The following PARP8 variants were observed in gnomAD, a reference collection of about 807,000 sequenced individuals.
PARP8 encodes the protein poly(ADP-ribose) polymerase family member 8.
A neutral mutation model predicts 124.1 loss-of-function variants in PARP8; 51 were observed. That is an observed-to-expected ratio of 0.41 (90% CI 0.33 to 0.52). The LOEUF is 0.52. PARP8 is among the 20% of genes least tolerant of loss of function. The probability of loss-of-function intolerance (pLI) is 0.21; values close to 1 mark genes in which losing one functional copy is unlikely to be tolerated. For synonymous variants in PARP8, 391 were observed against 361.5 expected (o/e 1.08, Z -0.93); for missense variants, 860 against 1,018.9 (o/e 0.84, Z 2.12).
rs372825758 is a variant in PARP8 at position 50,815,437 on chromosome 5, C to T, written c.1581C>T (p.Thr527=). Residue 527 remains threonine, a synonymous_variant, in exon 15 of 26, where the codon ACC becomes ACT. Coordinates refer to ENST00000281631, the MANE Select transcript of PARP8 (RefSeq NM_024615.4). Reference sequence around the variant, plus strand: ...GATTCCTTTTTCTTTTGTAGCCTACCGTATGTGAACGGGAGCTGTGTGTGT... The same window carrying T: ...GATTCCTTTTTCTTTTGTAGCCTACTGTATGTGAACGGGAGCTGTGTGTGT... ...VFQNGPMLRP[T]VCERELCVFA... 21 of 1,573,076 alleles carry T rather than the reference C, an allele frequency of 1.3e-5. No homozygotes were observed. Among genetic ancestry groups the T allele is most frequent in the South Asian group, 2.4e-5 (2 of 85,028 alleles).
intron 11 of PARP8, 90 bp downstream of exon 11, chr5:50,794,422 A>G: frequency 2.1e-6 from 3 of 1,442,490 alleles, no homozygotes; most frequent in South Asian, 1.5e-5. Flanking sequence ...TAGTGTTGGC[A>G]TCTGTTTATT....
At chr5:50,704,290 G>T (rs1377297482) in intron 2 of PARP8, among the ~76,000 whole-genome samples, 1 of 151,982 alleles carries the variant, frequency 6.6e-6, no homozygotes. Flanking sequence ...GTAGATCCTG[G>T]TCACCAATCT....
intron 3 of PARP8, among the ~76,000 whole-genome samples, chr5:50,751,158 A>G (rs1759215090): frequency 6.6e-6 from 1 of 152,132 alleles, no homozygotes; most frequent in African/African-American, 2.4e-5. Context: ...TGAAGACACT[A>G]AGTGAATTAA....
chr5:50,739,698 A>T (rs1580158449), intron 2 of PARP8, among the ~76,000 whole-genome samples: 1 of 144,188 alleles, frequency 6.9e-6, no homozygotes, highest in Non-Finnish European at 1.5e-5. Context: ...TGGAAGATCA[A>T]TGGGTATATA....
At chr5:50,784,930 A>C (rs752933435) in intron 9 of PARP8, among the ~76,000 whole-genome samples, 80 of 152,054 alleles carry the variant, frequency 5.3e-4, no homozygotes, top group Admixed American at 1.8e-3. Context: ...AATGAACTTA[A>C]AAAGTTTTAA....
chr5:50,795,066 G>T lies in PARP8; in HGVS notation c.1077G>T (p.Ser359=), dbSNP rs549614227. Residue 359 remains serine (S), a synonymous_variant, in exon 12 of 26, where the codon TCG becomes TCT. Transcript: ENST00000281631. ...AGCAGGCTATGACAGCAATTAAATC[G>T]CACAAACTTTTGAACCGTCCTTGCC... ...RAEQAMTAIK[S]HKLLNRPCPA... 2 of 1,614,012 alleles carry T rather than the reference G, an allele frequency of 1.2e-6. No individual in the cohort carries two copies. The highest frequency in any genetic ancestry group is 1.3e-5 in the African/African-American group (1 of 74,896).
At chr5:50,797,756 C>T (rs550612272) in intron 14 of PARP8, among the ~76,000 whole-genome samples, 2 of 152,256 alleles carry the variant, frequency 1.3e-5, no homozygotes, top group South Asian at 2.1e-4. Flanking sequence ...TCAGTGTATA[C>T]GTGCATTTTG....
intron 2 of PARP8, among the ~76,000 whole-genome samples, chr5:50,727,373 T>G (rs1322467785): frequency 6.6e-6 from 1 of 152,148 alleles, no homozygotes; most frequent in Non-Finnish European, 1.5e-5. Context: ...CTTGGTGTTC[T>G]TTTGAAAAAA....
At chr5:50,740,106 A>G (rs1469912430) in intron 2 of PARP8, among the ~76,000 whole-genome samples, 4 of 152,102 alleles carry the variant, frequency 2.6e-5, no homozygotes, top group African/African-American at 7.2e-5. Context: ...TGTTCCCACT[A>G]TGTGCTAGGT....
intron 22 of PARP8, among the ~76,000 whole-genome samples, chr5:50,831,608 T>C (rs1175315292): frequency 6.6e-6 from 1 of 151,898 alleles, no homozygotes; most frequent in Non-Finnish European, 1.5e-5. Flanking sequence ...CAGTACAAAA[T>C]AAAAAGCTAA....
intron 9 of PARP8, among the ~76,000 whole-genome samples, chr5:50,785,494 C>T (rs1427710021): frequency 6.6e-6 from 1 of 152,140 alleles, no homozygotes; most frequent in African/African-American, 2.4e-5. Flanking sequence ...TTTCTGTCTG[C>T]CTCTGAAGAG....
chr5:50,760,473 A>G, intron 5 of PARP8, 111 bp downstream of exon 5: 8 of 880,170 alleles, frequency 9.1e-6, no homozygotes, highest in Non-Finnish European at 1.2e-5. Context: ...TATATGGTGA[A>G]TGAAACTCAA....
chr5:50,703,216 G>A (rs1753774898), intron 2 of PARP8, among the ~76,000 whole-genome samples: 3 of 151,032 alleles, frequency 2.0e-5, no homozygotes, highest in African/African-American at 4.9e-5. Context: ...TGGGGAGATC[G>A]CTTGAGCCCA....
At chr5:50,713,353 A>G (rs1023540236) in intron 2 of PARP8, among the ~76,000 whole-genome samples, 1 of 151,866 alleles carries the variant, frequency 6.6e-6, no homozygotes, top group Non-Finnish European at 1.5e-5. Context: ...CAGTTCTCCC[A>G]CCTCAGCCCT....
At chr5:50,756,962 C>T (rs572982725) in intron 3 of PARP8, among the ~76,000 whole-genome samples, 15 of 152,290 alleles carry the variant, frequency 9.8e-5, no homozygotes, top group Admixed American at 2.0e-4. Context: ...CTTGGCATAA[C>T]GTCTTCCATG....
rs1749345228 is a variant in PARP8 at position 50,666,911 on chromosome 5, C to CTCT, written c.-183_-182insTTC. 8 of 1,340,810 alleles carry CTCT rather than the reference C, an allele frequency of 6.0e-6. No homozygotes were observed. Among genetic ancestry groups the CTCT allele is most frequent in the South Asian group, 3.0e-5 (2 of 66,972 alleles). The allele number at this position is 1,340,810 out of a possible 1,614,324, so 83.1% of individuals were successfully genotyped here. ...ATGCAAAGCCGACCTCCCCCTCCTC[C>CTCT]TCCTCCTCCCCCTCCTCCTCCTCCT... On this transcript the variant is annotated 5_prime_UTR_variant, in exon 1 of 26. Coordinates refer to ENST00000281631, the MANE Select transcript of PARP8 (RefSeq NM_024615.4).
At chr5:50,708,193 T>A (rs969523564) in intron 2 of PARP8, among the ~76,000 whole-genome samples, 13 of 152,086 alleles carry the variant, frequency 8.5e-5, no homozygotes, top group African/African-American at 2.9e-4. Context: ...TCAAATAAAT[T>A]ATCAATAATG....
intron 2 of PARP8, among the ~76,000 whole-genome samples, chr5:50,693,969 T>C (rs1449496931): frequency 6.6e-6 from 1 of 152,090 alleles, no homozygotes; most frequent in Non-Finnish European, 1.5e-5. Flanking sequence ...ATTTATTATG[T>C]ATAAAGAAGG....
At position 50,828,300 on chromosome 5, in the gene PARP8, CTG is replaced by C; in HGVS notation, c.2091-10_2091-9del. The C allele has an allele frequency of 6.2e-7, 1 of 1,611,408 alleles. No individual in the cohort carries two copies. Among genetic ancestry groups the C allele is most frequent in the Non-Finnish European group, 8.5e-7 (1 of 1,178,572 alleles). On this transcript the variant is annotated splice_polypyrimidine_tract_variant and intron_variant, in intron 20 of 25. Transcript: ENST00000281631. Reference sequence around the variant, plus strand: ...TCTGGTTTTGCTTTTTCCTTTCCGTCTGTTTTTTTAGTGGCTCACACATTGAA... The same window carrying C: ...TCTGGTTTTGCTTTTTCCTTTCCGTCTTTTTTTAGTGGCTCACACATTGAA...
Sources: allele counts gnomAD v4.1 joint callset (sites outside exome capture counted in the v4.1 genomes callset), GRCh38; gene constraint gnomAD v4.1.1; transcripts MANE v1.5; gene names NCBI Gene and HGNC (gene_info 2026-07-23, HGNC 2026-07-21).